Variants in RNLS observed in about 807,000 individuals in gnomAD.
The protein encoded by RNLS is renalase.
RNLS carries 39 observed loss-of-function variants against 39.8 expected under a neutral mutation model. The observed-to-expected ratio is 0.98, with a 90% CI of 0.76 to 1.28. RNLS has a LOEUF of 1.28. Among genes scored for constraint, RNLS ranks in the 50% most tolerant of loss-of-function variants. The probability of loss-of-function intolerance (pLI) is 0.00; values close to 1 mark genes in which losing one functional copy is unlikely to be tolerated. For missense variants in RNLS, 410 were observed against 413.3 expected (o/e 0.99, Z 0.07); for synonymous variants, 147 against 150.7 (o/e 0.98, Z 0.18).
intron 4 of RNLS, among the ~76,000 whole-genome samples, chr10:88,535,921 G>T (rs867533265): frequency 1.3e-5 from 2 of 152,152 alleles, no homozygotes; most frequent in Non-Finnish European, 2.9e-5. Context: ...AGAGAAAGTA[G>T]AGAGAAGAAT....
Position 88,348,136 on chromosome 10 carries a change from G to T in RNLS, c.700+14416C>A, listed in dbSNP as rs190427606. Among the ~76,000 whole-genome samples, 223 of 152,222 alleles carry T rather than the reference G, an allele frequency of 1.5e-3. 1 individual carries two copies. The highest frequency in any genetic ancestry group is 3.6e-3 in the Admixed American group (55 of 15,260). Reference sequence around the variant, plus strand: ...TTGGCCATCCCTATCTCTTTACAGAGCCAACACACAGTGGGGTTTCCTCTT... The same window carrying T: ...TTGGCCATCCCTATCTCTTTACAGATCCAACACACAGTGGGGTTTCCTCTT... On this transcript the variant is annotated intron_variant, in intron 5 of 6. Transcript: ENST00000331772.
chr10:88,279,521 G>C (rs1006839264), downstream of RNLS, among the ~76,000 whole-genome samples: 1 of 152,048 alleles, frequency 6.6e-6, no homozygotes. Flanking sequence ...CTAGTAAGTG[G>C]CATATTCAGG....
intron 4 of RNLS, among the ~76,000 whole-genome samples, chr10:88,430,680 T>C (rs1855079012): frequency 6.6e-6 from 1 of 151,852 alleles, no homozygotes; most frequent in African/African-American, 2.4e-5. Context: ...TTGCTATTCC[T>C]GGTTTGCTAA....
intron 6 of RNLS, among the ~76,000 whole-genome samples, chr10:88,308,926 A>G (rs533782713): frequency 6.6e-6 from 1 of 152,358 alleles, no homozygotes; most frequent in East Asian, 1.9e-4. Context: ...ACACCATGGA[A>G]CACTATGCAG....
intron 4 of RNLS, among the ~76,000 whole-genome samples, chr10:88,456,368 T>G (rs1481578855): frequency 6.6e-6 from 1 of 151,494 alleles, no homozygotes; most frequent in African/African-American, 2.4e-5. Context: ...TATATAATAT[T>G]TATTTATTTA....
At chr10:88,475,947 TACTA>T in intron 4 of RNLS, among the ~76,000 whole-genome samples, 1 of 152,204 alleles carries the variant, frequency 6.6e-6, no homozygotes, top group Admixed American at 6.5e-5. Context: ...AGCAGAAAAA[TACTA>T]ACTCTTTAGG....
chr10:88,387,731 A>C (rs1851956742), intron 4 of RNLS, among the ~76,000 whole-genome samples: 1 of 152,230 alleles, frequency 6.6e-6, no homozygotes, highest in Non-Finnish European at 1.5e-5. Flanking sequence ...CTGGCTAAAA[A>C]TCTAACACTT....
chr10:88,192,480 GTAT>G, the RNLS span, among the ~76,000 whole-genome samples: 1 of 152,204 alleles, frequency 6.6e-6, no homozygotes, highest in Admixed American at 6.5e-5. Flanking sequence ...TTTTTCTTTA[GTAT>G]TTAGAATATT....
At chr10:88,575,248 A>G (rs1243131352) in intron 3 of RNLS, among the ~76,000 whole-genome samples, 2 of 144,384 alleles carry the variant, frequency 1.4e-5, no homozygotes, top group Non-Finnish European at 3.0e-5. Context: ...ATATATATAC[A>G]CCAAGGTGTA....
At chr10:88,455,499 C>T (rs961640859) in intron 4 of RNLS, among the ~76,000 whole-genome samples, 24 of 152,098 alleles carry the variant, frequency 1.6e-4, no homozygotes, top group African/African-American at 5.3e-4. Flanking sequence ...CTCCACCTCC[C>T]GGGTTCACGC....
At chr10:88,508,876 T>C (rs903577991) in intron 4 of RNLS, among the ~76,000 whole-genome samples, 3 of 152,100 alleles carry the variant, frequency 2.0e-5, no homozygotes, top group African/African-American at 7.2e-5. Context: ...AATGCCTAAA[T>C]ACAACTGCCA....
At chr10:88,578,472 T>C (rs1418348861) in intron 3 of RNLS, among the ~76,000 whole-genome samples, 1 of 152,082 alleles carries the variant, frequency 6.6e-6, no homozygotes, top group Admixed American at 6.6e-5. Context: ...AAAAGGGATA[T>C]AATTATAAAA....
At chr10:88,246,834 C>G in the RNLS span, among the ~76,000 whole-genome samples, 1 of 152,186 alleles carries the variant, frequency 6.6e-6, no homozygotes, top group African/African-American at 2.4e-5. Flanking sequence ...AGCAGACAAC[C>G]ATTTTACATG....
chr10:88,506,812 A>G (rs1021185045), intron 4 of RNLS, among the ~76,000 whole-genome samples: 1 of 152,118 alleles, frequency 6.6e-6, no homozygotes, highest in East Asian at 1.9e-4. Flanking sequence ...TAAGTCTGTA[A>G]GTTTATGTTT....
chr10:88,341,948 A>C (rs1847987582), intron 5 of RNLS, among the ~76,000 whole-genome samples: 1 of 152,166 alleles, frequency 6.6e-6, no homozygotes, highest in Admixed American at 6.5e-5. Context: ...TACTCACCAC[A>C]TATTCTAGGT....
intron 4 of RNLS, among the ~76,000 whole-genome samples, chr10:88,565,644 A>G (rs1382080389): frequency 1.3e-5 from 2 of 152,018 alleles, no homozygotes; most frequent in Non-Finnish European, 2.9e-5. Flanking sequence ...CATCATAAAG[A>G]GCCTACATAT....
chr10:88,259,899 G>A, the RNLS span, among the ~76,000 whole-genome samples: 2 of 152,048 alleles, frequency 1.3e-5, no homozygotes, highest in East Asian at 1.9e-4. Context: ...GCGCCACCAC[G>A]CCCAGCTAAT....
At chr10:88,334,714 C>CT (rs993017997) in intron 5 of RNLS, among the ~76,000 whole-genome samples, 2 of 151,926 alleles carry the variant, frequency 1.3e-5, no homozygotes, top group Admixed American at 6.6e-5. Context: ...TTTTACATTT[C>CT]TTTTTTTTCC....
chr10:88,580,715 A>G (rs1850486447), intron 3 of RNLS, among the ~76,000 whole-genome samples: 1 of 152,232 alleles, frequency 6.6e-6, no homozygotes, highest in Admixed American at 6.5e-5. Context: ...GAAAACTGCA[A>G]AGAGCTGGCT....
Sources: allele counts gnomAD v4.1 joint callset (sites outside exome capture counted in the v4.1 genomes callset), GRCh38; gene constraint gnomAD v4.1.1; transcripts MANE v1.5; gene names NCBI Gene and HGNC (gene_info 2026-07-23, HGNC 2026-07-21).